APBB2: variants seen among roughly 807,000 people sequenced by gnomAD.
APBB2 encodes the protein Fe65-like 1.
APBB2 carries 38 observed loss-of-function variants against 82.5 expected under a neutral mutation model. The observed-to-expected ratio is 0.46, with a 90% CI of 0.36 to 0.60. The LOEUF is 0.60. Ranked by LOEUF, APBB2 falls within the 20% of genes least tolerant of loss-of-function variation. The probability of loss-of-function intolerance (pLI) is 0.00; values close to 1 mark genes in which losing one functional copy is unlikely to be tolerated. For synonymous variants in APBB2, 341 were observed against 368.2 expected, an observed-to-expected ratio of 0.93 and a Z score of 0.85; for missense variants, 772 against 972.3, an observed-to-expected ratio of 0.79 and a Z score of 2.74.
chr4:40,979,400 T>G (rs145058111), intron 6 of APBB2, among the ~76,000 whole-genome samples: 9 of 151,550 alleles, frequency 5.9e-5, no homozygotes, highest in Admixed American at 2.6e-4. Flanking sequence ...TATCCTATTG[T>G]GATTATGTTG....
rs1416854916 is a variant in APBB2, at chr4:40,925,963, C to T, written c.1254+8493G>A. Among the ~76,000 whole-genome samples the T allele has an allele frequency of 4.6e-5, 7 of 152,314 alleles. No homozygotes were observed. The East Asian group carries it at 1.4e-3, about 29-fold the overall frequency. On this transcript the variant is annotated intron_variant, in intron 10 of 17. Transcript: ENST00000508593. ...CCCGATGGTTTGTTTCATCTCCTTC[C>T]TCTTCCTCTCCATCTGAGGTAAGTT...
At chr4:40,861,698 C>A (rs1329565354) in intron 12 of APBB2, among the ~76,000 whole-genome samples, 3 of 152,132 alleles carry the variant, frequency 2.0e-5, no homozygotes, top group African/African-American at 7.2e-5. Context: ...AGGTCTGGTT[C>A]ACAGAAAGAC....
At chr4:41,212,953 C>T (rs909048649) in intron 1 of APBB2, among the ~76,000 whole-genome samples, 2 of 152,128 alleles carry the variant, frequency 1.3e-5, no homozygotes, top group Non-Finnish European at 2.9e-5. Context: ...GAGAAGGTTG[C>T]TACCTAAGTT....
chr4:41,012,384 T>C (rs1212147336), intron 6 of APBB2, among the ~76,000 whole-genome samples: 1 of 152,046 alleles, frequency 6.6e-6, no homozygotes, highest in Non-Finnish European at 1.5e-5. Context: ...TCTAAATGGG[T>C]AAAAAGGATA....
At chr4:41,116,592 C>T (rs1580170949) in intron 2 of APBB2, among the ~76,000 whole-genome samples, 1 of 152,228 alleles carries the variant, frequency 6.6e-6, no homozygotes, top group East Asian at 1.9e-4. Flanking sequence ...GATCGCGTCA[C>T]TGCTTTCCAA....
chr4:41,006,344 T>C (rs1283590291), intron 6 of APBB2, among the ~76,000 whole-genome samples: 1 of 152,210 alleles, frequency 6.6e-6, no homozygotes, highest in Non-Finnish European at 1.5e-5. Flanking sequence ...TATGGAACTC[T>C]CAACTGAGAA....
intron 10 of APBB2, among the ~76,000 whole-genome samples, chr4:40,899,543 A>C (rs1774671395): frequency 6.6e-6 from 1 of 152,208 alleles, no homozygotes; most frequent in African/African-American, 2.4e-5. Context: ...ATTATATTCC[A>C]ATCAGTGGAT....
At chr4:41,090,326 T>G (rs1196005429) in intron 3 of APBB2, among the ~76,000 whole-genome samples, 2 of 152,194 alleles carry the variant, frequency 1.3e-5, no homozygotes, top group Non-Finnish European at 2.9e-5. Flanking sequence ...ATGGTAAGAT[T>G]TTCTCGAAGG....
At chr4:40,916,629 T>C (rs1779903651) in intron 10 of APBB2, among the ~76,000 whole-genome samples, 1 of 152,160 alleles carries the variant, frequency 6.6e-6, no homozygotes, top group South Asian at 2.1e-4. Context: ...TGTCTTACCC[T>C]GTGTGTACGT....
intron 3 of APBB2, among the ~76,000 whole-genome samples, chr4:41,080,095 C>T (rs1737056048): frequency 6.6e-6 from 1 of 152,186 alleles, no homozygotes; most frequent in Admixed American, 6.5e-5. Flanking sequence ...AGAGACGAGG[C>T]AGTTTGAAAA....
In APBB2 at chr4:41,014,404, GA is replaced by G. The variant is rs373644947; in HGVS notation, c.20-7del. On this transcript the variant is annotated splice_region_variant and splice_polypyrimidine_tract_variant and intron_variant, in intron 5 of 17. Coordinates refer to ENST00000508593, the MANE Select transcript of APBB2 (RefSeq NM_004307.2). The stretch of plus-strand genomic sequence containing the variant: ...GGTGTCAACACCTGAGTCAGCTGGG[GA>G]AAAAAAAAGTCATTAGACACCTGCC... The G allele has an allele frequency of 1.6e-5, 25 of 1,593,754 alleles. No homozygotes were observed. The highest frequency in any genetic ancestry group is 5.4e-5 in the Admixed American group (3 of 55,394).
intron 1 of APBB2, among the ~76,000 whole-genome samples, chr4:41,195,206 C>A: frequency 2.6e-4 from 39 of 152,290 alleles, no homozygotes; most frequent in Middle Eastern, 3.4e-3. Context: ...GTCCAACTGC[C>A]CAGTCCATAT....
chr4:41,092,159 G>A (rs188402519), intron 3 of APBB2, among the ~76,000 whole-genome samples: 31 of 152,342 alleles, frequency 2.0e-4, no homozygotes, highest in African/African-American at 5.8e-4. Context: ...TCTGTCTGCT[G>A]TTGAACATCA....
At chr4:40,851,436 A>G (rs1161966087) in intron 12 of APBB2, among the ~76,000 whole-genome samples, 1 of 152,152 alleles carries the variant, frequency 6.6e-6, no homozygotes, top group African/African-American at 2.4e-5. Context: ...GCGATGAAAA[A>G]CAAAACACAC....
At chr4:41,024,021 T>C (rs1712892150) in intron 5 of APBB2, among the ~76,000 whole-genome samples, 1 of 151,956 alleles carries the variant, frequency 6.6e-6, no homozygotes, top group African/African-American at 2.4e-5. Flanking sequence ...AGCCCAGAAA[T>C]AAAGCCATAC....
intron 1 of APBB2, among the ~76,000 whole-genome samples, chr4:41,178,242 A>G (rs1770353128): frequency 1.3e-5 from 2 of 152,218 alleles, no homozygotes; most frequent in Non-Finnish European, 2.9e-5. Flanking sequence ...TAACTTTTTT[A>G]TTCTTCCAGA....
intron 4 of APBB2, among the ~76,000 whole-genome samples, chr4:41,064,465 CCT>C (rs1731000064): frequency 1.3e-5 from 2 of 152,166 alleles, no homozygotes; most frequent in African/African-American, 4.8e-5. Context: ...CCAAATTTCC[CCT>C]GACTTGGAGC....
intron 7 of APBB2, among the ~76,000 whole-genome samples, chr4:40,938,977 T>C (rs1294705494): frequency 6.6e-6 from 1 of 151,998 alleles, no homozygotes; most frequent in African/African-American, 2.4e-5. Context: ...GTGGGACTGG[T>C]GGCTTTATCA....
chr4:41,019,560 G>C (rs16852720), intron 5 of APBB2, among the ~76,000 whole-genome samples: 1 of 152,120 alleles, frequency 6.6e-6, no homozygotes, highest in African/African-American at 2.4e-5. Flanking sequence ...GGGAGACAAC[G>C]TTCAGAAATA....
Sources: gnomAD v4.1 joint callset for allele counts (sites outside exome capture counted in the v4.1 genomes callset) on GRCh38, gnomAD v4.1.1 for gene constraint, MANE v1.5 for transcripts, NCBI Gene and HGNC (gene_info 2026-07-23, HGNC 2026-07-21) for gene names.